STK31: variants seen among roughly 807,000 people sequenced by gnomAD.
The protein encoded by STK31 is serine/threonine-protein kinase 31.
Under a neutral mutation model 129.7 loss-of-function variants are expected in STK31, and 89 were observed. The observed-to-expected ratio is 0.69, with a 90% CI of 0.58 to 0.82. The LOEUF (loss-of-function observed/expected upper bound fraction) is 0.82, where lower values mean the gene tolerates loss of function less well. STK31 is among the 40% of genes least tolerant of loss of function. The pLI is 0.00. For missense variants in STK31, 1,187 were observed against 1,176.4 expected, an observed-to-expected ratio of 1.01 and a Z score of -0.13; for synonymous variants, 448 against 395.3, an observed-to-expected ratio of 1.13 and a Z score of -1.58.
intron 15 of STK31, among the ~76,000 whole-genome samples, chr7:23,773,189 C>A (rs1030572668): frequency 1.3e-5 from 2 of 152,120 alleles, no homozygotes; most frequent in African/African-American, 2.4e-5. Flanking sequence ...TGCTATTCCT[C>A]CCCTAGACCC....
chr7:23,785,611 T>C lies in STK31; in HGVS notation c.2274+8T>C. ...CAGATAATTCTGTTAAAGGTAAGTCTAACTTCTTCTTACTTGTGGGAGATT... is the reference window on the plus strand; with the variant it reads ...CAGATAATTCTGTTAAAGGTAAGTCCAACTTCTTCTTACTTGTGGGAGATT... On this transcript the variant is annotated splice_region_variant and intron_variant, in intron 18 of 23. Coordinates refer to ENST00000355870, the MANE Select transcript of STK31 (RefSeq NM_031414.5). 1 of 1,608,428 alleles carries C rather than the reference T, an allele frequency of 6.2e-7. No homozygotes were observed. The highest frequency in any genetic ancestry group is 8.5e-7 in the Non-Finnish European group (1 of 1,175,966).
At chr7:23,828,881 T>C (rs1239740354) in intron 23 of STK31, among the ~76,000 whole-genome samples, 1 of 152,000 alleles carries the variant, frequency 6.6e-6, no homozygotes, top group Admixed American at 6.6e-5. Flanking sequence ...GGAATGTTTT[T>C]CTTTTTCTTT....
intron 9 of STK31, among the ~76,000 whole-genome samples, chr7:23,753,933 TTC>T (rs1788886975): frequency 6.6e-6 from 1 of 152,206 alleles, no homozygotes; most frequent in Admixed American, 6.5e-5. Flanking sequence ...TATATGTCTT[TTC>T]TCTTAGACAT....
intron 22 of STK31, among the ~76,000 whole-genome samples, chr7:23,800,375 T>C (rs1018350242): frequency 1.3e-5 from 2 of 152,130 alleles, no homozygotes; most frequent in African/African-American, 4.8e-5. Context: ...ATGTGGCACA[T>C]ATACACCATG....
chr7:23,800,889 G>A (rs1792325376), intron 22 of STK31, among the ~76,000 whole-genome samples: 1 of 152,072 alleles, frequency 6.6e-6, no homozygotes, highest in Admixed American at 6.6e-5. Context: ...GTCTAATGTA[G>A]TTTTTCCCTT....
intron 23 of STK31, among the ~76,000 whole-genome samples, chr7:23,827,489 T>C (rs1794244285): frequency 6.6e-6 from 1 of 152,164 alleles, no homozygotes; most frequent in South Asian, 2.1e-4. Context: ...ATTCTAGTTA[T>C]CCATTTGTCT....
chr7:23,744,311 G>A (rs531034882), intron 8 of STK31, among the ~76,000 whole-genome samples: 5 of 148,206 alleles, frequency 3.4e-5, no homozygotes, highest in African/African-American at 5.0e-5. Context: ...TTTTTTTAAT[G>A]ATACCTATTT....
chr7:23,783,166 A>G (rs1177812561), intron 16 of STK31, among the ~76,000 whole-genome samples: 2 of 152,206 alleles, frequency 1.3e-5, no homozygotes, highest in Admixed American at 6.5e-5. Flanking sequence ...AGAAACAGCT[A>G]TATTGGTTAC....
At chr7:23,810,940 T>TATAC (rs1554297571) in intron 22 of STK31, among the ~76,000 whole-genome samples, 14,878 of 140,266 alleles carry the variant, frequency 0.11, 1,156 homozygotes, top group African/African-American at 0.21. Flanking sequence ...TGTGTGTATA[T>TATAC]ACACACACAC....
intron 3 of STK31, among the ~76,000 whole-genome samples, chr7:23,716,627 T>G (rs1786340467): frequency 1.3e-5 from 2 of 152,126 alleles, no homozygotes; most frequent in Admixed American, 1.3e-4. Context: ...ATTTATTCAA[T>G]TATTTATATT....
chr7:23,779,881 G>A (rs1276830623), intron 15 of STK31, among the ~76,000 whole-genome samples: 4 of 152,166 alleles, frequency 2.6e-5, no homozygotes, highest in Admixed American at 2.0e-4. Context: ...TGCAAGGGGG[G>A]TATGAATAAA....
chr7:23,830,868 C>T (rs1173755191), intron 23 of STK31, among the ~76,000 whole-genome samples: 1 of 152,144 alleles, frequency 6.6e-6, no homozygotes, highest in Non-Finnish European at 1.5e-5. Context: ...GATCCACCTG[C>T]CTCCACCTCC....
At chr7:23,736,214 T>G (rs1787709028) in intron 7 of STK31, among the ~76,000 whole-genome samples, 2 of 152,236 alleles carry the variant, frequency 1.3e-5, no homozygotes, top group Non-Finnish European at 1.5e-5. Context: ...AAAGTCAGAA[T>G]TTCAGATAAG....
rs895520250 is a variant in STK31 at position 23,763,288 on chromosome 7, T to G, written c.1416+365T>G. On this transcript the variant is annotated intron_variant, in intron 11 of 23. Coordinates refer to ENST00000355870, the MANE Select transcript of STK31 (RefSeq NM_031414.5). ...AAGGGATCAACTCTGATCCATAAATTATAGGGTTTTTAGGCTCCATGACCA... is the reference window on the plus strand; with the variant it reads ...AAGGGATCAACTCTGATCCATAAATGATAGGGTTTTTAGGCTCCATGACCA... Among the ~76,000 whole-genome samples the G allele has an allele frequency of 2.0e-5, 3 of 152,054 alleles. No individual in the cohort carries two copies. The South Asian group carries it at 6.2e-4, about 32-fold the overall frequency.
At chr7:23,767,694 A>T (rs946183033) in intron 11 of STK31, among the ~76,000 whole-genome samples, 1 of 152,192 alleles carries the variant, frequency 6.6e-6, no homozygotes, top group Non-Finnish European at 1.5e-5. Flanking sequence ...GTACTTGCAT[A>T]AACCTGTTGC....
intron 15 of STK31, among the ~76,000 whole-genome samples, chr7:23,776,046 A>G (rs1003366876): frequency 0.026 from 1,940 of 74,746 alleles, no homozygotes; most frequent in Admixed American, 0.034. Context: ...GAAGTGTGTC[A>G]AATTTTATCA....
At chr7:23,818,284 T>C (rs1399808469) in intron 23 of STK31, among the ~76,000 whole-genome samples, 1 of 152,158 alleles carries the variant, frequency 6.6e-6, no homozygotes, top group East Asian at 1.9e-4. Context: ...GCTGATTGCA[T>C]CCTTATGGTA....
At chr7:23,724,047 C>A (rs145126912) in intron 4 of STK31, among the ~76,000 whole-genome samples, 1 of 151,972 alleles carries the variant, frequency 6.6e-6, no homozygotes, top group Non-Finnish European at 1.5e-5. Context: ...TAAAAACATG[C>A]AAGAATCAAA....
At chr7:23,739,103 A>T (rs543557969) in intron 8 of STK31, among the ~76,000 whole-genome samples, 1 of 152,296 alleles carries the variant, frequency 6.6e-6, no homozygotes, top group South Asian at 2.1e-4. Context: ...ACAGTGTAGA[A>T]GTGTTCCTAT....
Sources: gnomAD v4.1 joint callset for allele counts (sites outside exome capture counted in the v4.1 genomes callset) on GRCh38, gnomAD v4.1.1 for gene constraint, MANE v1.5 for transcripts, NCBI Gene and HGNC (gene_info 2026-07-23, HGNC 2026-07-21) for gene names.